The following ING5 variants were observed in gnomAD, a reference collection of about 807,000 sequenced individuals.
ING5 encodes the protein inhibitor of growth protein 5.
Under a neutral mutation model 37.4 loss-of-function variants are expected in ING5, and 17 were observed. The ratio of observed to expected loss-of-function variants is 0.45; its 90% CI spans 0.31 to 0.68. ING5 has a LOEUF of 0.68. Ranked by LOEUF, ING5 falls within the 30% of genes least tolerant of loss-of-function variation. The pLI is 0.05. For synonymous variants in ING5, 123 were observed against 116.6 expected, an observed-to-expected ratio of 1.06 and a Z score of -0.36; for missense variants, 233 against 311.9, an observed-to-expected ratio of 0.75 and a Z score of 1.91.
chr2:241,712,022 A>G lies in ING5; in HGVS notation c.433A>G (p.Arg145Gly). The G allele has an allele frequency of 6.2e-7, 1 of 1,612,956 alleles. No individual in the cohort carries two copies. Reference protein sequence around the residue: ...KEKRGSRGRGRRTSEEDTPKK... With the variant: ...KEKRGSRGRGGRTSEEDTPKK... ...AAAAAGAGGGTCCCGGGGCCGAGGC[A>G]GGAGGACATCAGAGGAAGACACACC... Residue 145 changes from arginine to glycine, a missense_variant, in exon 5 of 8, where the codon AGG becomes GGG. By Grantham distance (125) the Arg-to-Gly change is moderately radical. Transcript: ENST00000313552.
upstream of ING5, among the ~76,000 whole-genome samples, chr2:241,698,162 G>A (rs111841086): frequency 6.0e-4 from 13 of 21,684 alleles, no homozygotes; most frequent in African/African-American, 2.9e-3. Flanking sequence ...ATAATGTATC[G>A]GGCCCGCCGT....
At chr2:241,698,668 G>C (rs1360197529), upstream of ING5, among the ~76,000 whole-genome samples, 2 of 152,086 alleles carry the variant, frequency 1.3e-5, no homozygotes, top group African/African-American at 4.8e-5. Context: ...ACTGAAAGCT[G>C]AACAAGGCAA....
intron 2 of ING5, among the ~76,000 whole-genome samples, chr2:241,692,072 G>A (rs1407110118): frequency 6.6e-6 from 1 of 151,880 alleles, no homozygotes; most frequent in Non-Finnish European, 1.5e-5. Context: ...TATAAAAAAA[G>A]AAAACCGTCA....
At chr2:241,697,307 C>T (rs191836466), upstream of ING5, among the ~76,000 whole-genome samples, 371 of 150,950 alleles carry the variant, frequency 2.5e-3, 1 homozygote, top group African/African-American at 8.6e-3. Context: ...TGGTGTCGGG[C>T]GCCTGTAGTC....
In ING5 at chr2:241,716,698, A is replaced by G. The variant is rs138948838; in HGVS notation, c.482+4627A>G. Among the ~76,000 whole-genome samples, 1,140 of 152,294 alleles carry G rather than the reference A, an allele frequency of 7.5e-3. 11 individuals are homozygous for G. Among genetic ancestry groups the G allele is most frequent in the African/African-American group, 0.026 (1,092 of 41,576 alleles). ...TGATGTTTAACGTGTGGCTCCACAC[A>G]AGTGTTCTTCCATTTCCTGCCTTTG... is the stretch of plus-strand genomic sequence containing the variant. On this transcript the variant is annotated intron_variant, in intron 5 of 7. Transcript: ENST00000313552.
chr2:241,699,025 C>G (rs1389266892), upstream of ING5, among the ~76,000 whole-genome samples: 7 of 116,958 alleles, frequency 6.0e-5, no homozygotes, highest in South Asian at 1.4e-3. Flanking sequence ...ACCACCCCAG[C>G]TGAATTTTTT....
intron 2 of ING5, among the ~76,000 whole-genome samples, chr2:241,690,961 C>A (rs1319885445): frequency 1.3e-5 from 2 of 151,796 alleles, no homozygotes; most frequent in African/African-American, 4.8e-5. Context: ...GCGCCCGCCA[C>A]AACACCCGGC....
intron 2 of ING5, among the ~76,000 whole-genome samples, chr2:241,693,311 T>C (rs936277219): frequency 6.7e-6 from 1 of 148,978 alleles, no homozygotes; most frequent in African/African-American, 2.5e-5. Flanking sequence ...AACAGTCACG[T>C]TGGGGGTCAG....
intron 5 of ING5, among the ~76,000 whole-genome samples, chr2:241,716,920 G>A (rs540602624): frequency 6.6e-6 from 1 of 152,268 alleles, no homozygotes; most frequent in Non-Finnish European, 1.5e-5. Flanking sequence ...ATTTCATTTA[G>A]ATAGGAGGAA....
At chr2:241,719,831 C>A (rs768954607) in intron 5 of ING5, 1 of 1,403,788 alleles carries the variant, frequency 7.1e-7, no homozygotes, top group Non-Finnish European at 9.2e-7. Context: ...AGTAGCAATG[C>A]GGAGCCTGGG....
At position 241,705,290 on chromosome 2, in the gene ING5, G is replaced by A. The variant is rs886947833; in HGVS notation, c.109+566G>A. ...AGACGGGGTTTCACCGTGTTAGCCAGGATGGTCTTGATCTCCTCACCTCAT... is the reference window on the plus strand; with the variant it reads ...AGACGGGGTTTCACCGTGTTAGCCAAGATGGTCTTGATCTCCTCACCTCAT... On this transcript the variant is annotated intron_variant, in intron 2 of 7. Coordinates refer to ENST00000313552, the MANE Select transcript of ING5 (RefSeq NM_032329.6). Among the ~76,000 whole-genome samples, 7 of 151,920 alleles carry A rather than the reference G, an allele frequency of 4.6e-5. No individual in the cohort carries two copies. In the East Asian group the frequency reaches 1.4e-3, roughly 29 times the overall value.
chr2:241,710,585 A>G (rs2070078114), intron 3 of ING5, among the ~76,000 whole-genome samples: 1 of 152,140 alleles, frequency 6.6e-6, no homozygotes, highest in Admixed American at 6.5e-5. Flanking sequence ...CCTGGGTTCA[A>G]GCGATTCTCC....
At chr2:241,691,491 T>C (rs915329899) in intron 2 of ING5, among the ~76,000 whole-genome samples, 2 of 151,662 alleles carry the variant, frequency 1.3e-5, no homozygotes, top group Non-Finnish European at 2.9e-5. Flanking sequence ...GCTCTTTTGC[T>C]AGTCCCTGTT....
chr2:241,720,215 C>G, intron 5 of ING5: 3 of 1,232,084 alleles, frequency 2.4e-6, no homozygotes, highest in Non-Finnish European at 3.0e-6. Flanking sequence ...TGTGCAGGAG[C>G]CCGCCTGCCC....
intron 1 of ING5, among the ~76,000 whole-genome samples, chr2:241,689,071 G>GCC (rs2069505690): frequency 1.3e-5 from 2 of 151,996 alleles, no homozygotes; most frequent in Admixed American, 1.3e-4. Context: ...AAAGTGCTGA[G>GCC]ATTACAGGCG....
At chr2:241,702,698 G>C (rs2069781412) in intron 1 of ING5, among the ~76,000 whole-genome samples, 1 of 152,240 alleles carries the variant, frequency 6.6e-6, no homozygotes, top group Non-Finnish European at 1.5e-5. Flanking sequence ...GGCGGGCTGT[G>C]CTGTTTCCAG....
chr2:241,724,999 C>T lies in ING5; in HGVS notation c.691C>T (p.Arg231Trp), dbSNP rs1301460526. ...TKPKGKWFCP[R>W]CVQEKRKKK ...CCTTTCTTGTCACAGGTTCTGTCCA[C>T]GGTGTGTCCAGGAAAAGAGGAAGAA... The change falls in exon 8 of 8, where the codon CGG becomes TGG. Residue 231 changes from arginine (R) to tryptophan (W), a missense_variant. Physicochemically the swap from Arg to Trp is moderately radical, Grantham distance 101 (BLOSUM62 -3). Coordinates refer to ENST00000313552, the MANE Select transcript of ING5 (RefSeq NM_032329.6). The T allele has an allele frequency of 1.2e-6, 2 of 1,613,966 alleles. No individual in the cohort carries two copies. The highest frequency in any genetic ancestry group is 1.7e-6 in the Non-Finnish European group (2 of 1,179,956).
At chr2:241,702,513 G>C (rs2069774881) in intron 1 of ING5, among the ~76,000 whole-genome samples, 1 of 122,734 alleles carries the variant, frequency 8.1e-6, no homozygotes, top group African/African-American at 2.8e-5. Context: ...CCCGCTGCGG[G>C]GCTCCGGGCC....
intron 5 of ING5, among the ~76,000 whole-genome samples, chr2:241,716,302 T>G (rs2070266474): frequency 7.2e-6 from 1 of 138,606 alleles, no homozygotes; most frequent in African/African-American, 2.8e-5. Context: ...TTTTTTTTTT[T>G]TGAGACGGAG....
Sources: allele counts gnomAD v4.1 joint callset (sites outside exome capture counted in the v4.1 genomes callset), GRCh38; gene constraint gnomAD v4.1.1; transcripts MANE v1.5; gene names NCBI Gene and HGNC (gene_info 2026-07-23, HGNC 2026-07-21).